Variants in POF1B observed in about 807,000 individuals in gnomAD.
POF1B encodes the protein POF1B actin binding protein, also known as protein POF1B.
In POF1B, 53 loss-of-function variants were observed where a neutral mutation model predicts 55.3. The ratio of observed to expected loss-of-function variants is 0.96; its 90% CI spans 0.77 to 1.20. POF1B has a LOEUF of 1.20. Among genes scored for constraint, POF1B ranks in the 50% most tolerant of loss-of-function variants. POF1B has a pLI of 0.00. For synonymous variants in POF1B, 188 were observed against 148.3 expected (o/e 1.27, Z -1.95); for missense variants, 478 against 420.5 (o/e 1.14, Z -1.20).
chrX:85,354,796 C>T lies in POF1B; in HGVS notation c.439-3345G>A, dbSNP rs951827075. Reference sequence around the variant, plus strand: ...AGGAGAACTACAAACCACTGCTCAACGAAATAAAAGAGGACACAAACAAAT... The same window carrying T: ...AGGAGAACTACAAACCACTGCTCAATGAAATAAAAGAGGACACAAACAAAT... On this transcript the variant is annotated intron_variant, in intron 4 of 16. Transcript: ENST00000262753. Among the ~76,000 whole-genome samples the T allele has an allele frequency of 4.5e-5, 5 of 110,488 alleles. No homozygotes were observed. The South Asian group carries it at 1.2e-3, about 26-fold the overall frequency.
chrX:85,372,852 A>G (rs1017484368), intron 2 of POF1B, among the ~76,000 whole-genome samples: 2 of 107,021 alleles, frequency 1.9e-5, no homozygotes, highest in Non-Finnish European at 3.8e-5. Flanking sequence ...TCAGAGTTAA[A>G]TCAGATGATG....
At chrX:85,370,832 A>G (rs1933807988) in intron 2 of POF1B, among the ~76,000 whole-genome samples, 1 of 111,807 alleles carries the variant, frequency 8.9e-6, no homozygotes, top group Non-Finnish European at 1.9e-5. Context: ...TTTTAAAAGC[A>G]CTCCAGGAAT....
At chrX:85,374,804 C>T (rs1933893949) in intron 2 of POF1B, among the ~76,000 whole-genome samples, 1 of 112,244 alleles carries the variant, frequency 8.9e-6, no homozygotes, top group East Asian at 2.8e-4. Context: ...TTGTTAGGAT[C>T]TTTCAAAGCC....
chrX:85,294,668 C>G (rs1432506850), intron 15 of POF1B, among the ~76,000 whole-genome samples: 3 of 111,062 alleles, frequency 2.7e-5, no homozygotes, highest in East Asian at 5.7e-4. Flanking sequence ...GTTATTGGCA[C>G]GAAATTTTCT....
chrX:85,370,017 T>C (rs1933791899), intron 2 of POF1B, among the ~76,000 whole-genome samples: 1 of 111,773 alleles, frequency 8.9e-6, no homozygotes, highest in Non-Finnish European at 1.9e-5. Context: ...TCAAATATGA[T>C]GGCATTAGCA....
intron 4 of POF1B, among the ~76,000 whole-genome samples, chrX:85,355,367 C>G (rs1055197345): frequency 8.9e-6 from 1 of 111,775 alleles, no homozygotes; most frequent in Non-Finnish European, 1.9e-5. Flanking sequence ...AGAAGAAAAC[C>G]TAGGCATTAC....
At position 85,345,909 on chromosome X, in the gene POF1B, T is replaced by C; in HGVS notation, c.674A>G (p.His225Arg). Residue 225 changes from histidine to arginine, a missense_variant, in exon 6 of 17, where the codon CAT becomes CGT. Transcript: ENST00000262753. Reference sequence around the variant, plus strand: ...ACTATGGCACAGTTCATTTCCAATATGTGTAGAAATTGGATTATTTCCTGT... The same window carrying C: ...ACTATGGCACAGTTCATTTCCAATACGTGTAGAAATTGGATTATTTCCTGT... ...AITGNNPIST[H>R]IGNELCHSGS... 2 of 1,208,360 alleles carry C rather than the reference T, an allele frequency of 1.7e-6. No homozygotes were observed. The highest frequency in any genetic ancestry group is 1.8e-5 in the South Asian group (1 of 56,660).
intron 7 of POF1B, among the ~76,000 whole-genome samples, chrX:85,326,293 C>T (rs1391002337): frequency 1.8e-5 from 2 of 111,704 alleles, no homozygotes; most frequent in Non-Finnish European, 3.8e-5. Flanking sequence ...GGGGAGGTAT[C>T]AGGCTCCGCC....
intron 15 of POF1B, among the ~76,000 whole-genome samples, chrX:85,298,082 CT>C (rs1932348274): frequency 8.9e-6 from 1 of 112,240 alleles, no homozygotes; most frequent in Non-Finnish European, 1.9e-5. Context: ...TGTTCCCAGG[CT>C]GTGGGGAAAG....
intron 3 of POF1B, among the ~76,000 whole-genome samples, chrX:85,361,897 T>A (rs1472865143): frequency 9.1e-6 from 1 of 110,460 alleles, no homozygotes; most frequent in African/African-American, 3.3e-5. Context: ...AGCAGTGTTT[T>A]GTAATTCTCA....
intron 6 of POF1B, among the ~76,000 whole-genome samples, chrX:85,336,070 G>A (rs781353914): frequency 1.7e-4 from 19 of 110,058 alleles, no homozygotes; most frequent in African/African-American, 6.3e-4. Context: ...CTAATGTTTT[G>A]TATTTTAGTT....
At chrX:85,325,123 A>AT (rs780298477) in intron 7 of POF1B, among the ~76,000 whole-genome samples, 2 of 110,539 alleles carry the variant, frequency 1.8e-5, no homozygotes, top group Non-Finnish European at 1.9e-5. Flanking sequence ...TGACTTTTAC[A>AT]TTTTTTCTTT....
At chrX:85,357,855 T>G (rs1400143095) in intron 4 of POF1B, among the ~76,000 whole-genome samples, 2 of 111,279 alleles carry the variant, frequency 1.8e-5, no homozygotes, top group Non-Finnish European at 3.8e-5. Context: ...TTTGAGTCGT[T>G]TTTTAACTGC....
chrX:85,322,263 A>C (rs1932846220), intron 7 of POF1B, among the ~76,000 whole-genome samples: 2 of 111,261 alleles, frequency 1.8e-5, no homozygotes, highest in African/African-American at 3.3e-5. Flanking sequence ...TCAATGGAAC[A>C]GAACAGAGCC....
At chrX:85,328,514 C>A (rs1178632927) in intron 7 of POF1B, among the ~76,000 whole-genome samples, 2 of 110,983 alleles carry the variant, frequency 1.8e-5, no homozygotes, top group East Asian at 5.7e-4. Flanking sequence ...AAACAATTTG[C>A]CTGATATTAC....
chrX:85,318,065 T>C, intron 7 of POF1B, among the ~76,000 whole-genome samples: 1 of 110,980 alleles, frequency 9.0e-6, no homozygotes, highest in Non-Finnish European at 1.9e-5. Flanking sequence ...TACTGGGGCC[T>C]ATTAAAAGGT....
At chrX:85,345,194 T>C (rs186681797) in intron 6 of POF1B, among the ~76,000 whole-genome samples, 24 of 111,137 alleles carry the variant, frequency 2.2e-4, no homozygotes, top group African/African-American at 7.5e-4. Flanking sequence ...GTTATTAATA[T>C]TAGTTTTACC....
intron 15 of POF1B, among the ~76,000 whole-genome samples, chrX:85,302,039 G>C (rs903133512): frequency 9.0e-6 from 1 of 111,391 alleles, no homozygotes; most frequent in Admixed American, 9.5e-5. Context: ...ATGATCTTGG[G>C]TTAGTCAACA....
intron 4 of POF1B, among the ~76,000 whole-genome samples, chrX:85,359,255 C>A (rs1281827697): frequency 2.7e-5 from 3 of 110,915 alleles, no homozygotes; most frequent in Non-Finnish European, 5.7e-5. Flanking sequence ...TTCTTTCGTT[C>A]AAAGTGCATA....
Sources: gnomAD v4.1 joint callset for allele counts (sites outside exome capture counted in the v4.1 genomes callset) on GRCh38, gnomAD v4.1.1 for gene constraint, MANE v1.5 for transcripts, NCBI Gene and HGNC (gene_info 2026-07-23, HGNC 2026-07-21) for gene names.